The following LIN9 variants were observed in gnomAD, a reference collection of about 807,000 sequenced individuals.
LIN9 encodes the protein protein lin-9 homolog.
Under a neutral mutation model 78.0 loss-of-function variants are expected in LIN9, and 18 were observed. The ratio of observed to expected loss-of-function variants is 0.23; its 90% CI spans 0.16 to 0.34. LIN9 has a LOEUF of 0.34. Among genes scored for constraint, LIN9 ranks in the 10% least tolerant of loss-of-function variants. The pLI, the probability that LIN9 is intolerant of heterozygous loss-of-function variation, is 1.00. For missense variants in LIN9, 451 were observed against 644.1 expected (o/e 0.70, Z 3.25); for synonymous variants, 192 against 215.2 (o/e 0.89, Z 0.94).
At chr1:226,305,602 C>T (rs908085010) in intron 1 of LIN9, among the ~76,000 whole-genome samples, 1 of 143,380 alleles carries the variant, frequency 7.0e-6, no homozygotes, top group African/African-American at 2.6e-5. Flanking sequence ...TAGAAGTTAA[C>T]TGAAAGTAAG....
intron 6 of LIN9, among the ~76,000 whole-genome samples, chr1:226,284,333 C>T (rs1661266004): frequency 6.6e-6 from 1 of 152,148 alleles, no homozygotes; most frequent in Non-Finnish European, 1.5e-5. Context: ...TTAAAGTGCT[C>T]TTTAAAGTGG....
chr1:226,256,344 T>G (rs960687594), intron 10 of LIN9, among the ~76,000 whole-genome samples: 3 of 151,984 alleles, frequency 2.0e-5, no homozygotes, highest in Non-Finnish European at 4.4e-5. Flanking sequence ...GAGTGAAATA[T>G]CTTGCGTTGA....
chr1:226,271,782 T>C (rs1425580406), intron 7 of LIN9, among the ~76,000 whole-genome samples: 1 of 152,186 alleles, frequency 6.6e-6, no homozygotes, highest in African/African-American at 2.4e-5. Flanking sequence ...AGGTATATAG[T>C]AATATACATA....
intron 7 of LIN9, among the ~76,000 whole-genome samples, chr1:226,275,924 A>G (rs1660628482): frequency 6.6e-6 from 1 of 151,996 alleles, no homozygotes; most frequent in Admixed American, 6.6e-5. Context: ...GTTACTCAGG[A>G]AGCTGAGGCA....
rs1421359037 is a variant in LIN9 at position 226,267,983 on chromosome 1, G to A, written c.790C>T (p.His264Tyr). Reference sequence around the variant, plus strand: ...AGAACTTCATAGTCAGGGATGGTATGGGTTCCAAGCCCTGTCCTATCAAAA... The same window carrying A: ...AGAACTTCATAGTCAGGGATGGTATAGGTTCCAAGCCCTGTCCTATCAAAA... ...VTFDRTGLGT[H>Y]TIPDYEVLSN... The change falls in exon 8 of 15, where the codon CAT becomes TAT. Residue 264 changes from histidine to tyrosine, a missense_variant. His to Tyr is a moderately conservative substitution (Grantham distance 83). Coordinates refer to ENST00000681046, the MANE Select transcript of LIN9 (RefSeq NM_001366245.2). The A allele has an allele frequency of 6.2e-7, 1 of 1,613,566 alleles. No individual in the cohort carries two copies. Among genetic ancestry groups the A allele is most frequent in the Non-Finnish European group, 8.5e-7 (1 of 1,179,686 alleles).
chr1:226,266,026 T>C (rs577091598), intron 9 of LIN9, among the ~76,000 whole-genome samples, 187 bp downstream of exon 9: 19 of 152,232 alleles, frequency 1.2e-4, no homozygotes, highest in Non-Finnish European at 2.5e-4. Flanking sequence ...ATAATTAATA[T>C]TATATTAAAA....
At chr1:226,308,919 C>A (rs375474747) in intron 1 of LIN9, 190 bp downstream of exon 1, 32 of 419,464 alleles carry the variant, frequency 7.6e-5, no homozygotes, top group African/African-American at 6.0e-4. Context: ...CCCCAGAAAC[C>A]AACACACAGA....
chr1:226,300,430 G>A (rs1247196531), intron 2 of LIN9, among the ~76,000 whole-genome samples: 1 of 151,770 alleles, frequency 6.6e-6, no homozygotes, highest in Non-Finnish European at 1.5e-5. Context: ...ATGTGCCTGT[G>A]GTCCCAGCTA....
chr1:226,292,894 T>C (rs1193841282), intron 4 of LIN9, among the ~76,000 whole-genome samples: 1 of 152,222 alleles, frequency 6.6e-6, no homozygotes, highest in Non-Finnish European at 1.5e-5. Flanking sequence ...AAGATACTTA[T>C]CTGTGTCTGT....
At chr1:226,272,307 C>T (rs2102927706) in intron 7 of LIN9, among the ~76,000 whole-genome samples, 1 of 151,672 alleles carries the variant, frequency 6.6e-6, no homozygotes, top group South Asian at 2.1e-4. Context: ...CTGCCTGCCT[C>T]GGCCTGCCAA....
intron 2 of LIN9, among the ~76,000 whole-genome samples, chr1:226,300,260 G>C (rs1455628203): frequency 6.6e-6 from 1 of 152,018 alleles, no homozygotes; most frequent in Admixed American, 6.6e-5. Context: ...TTAAAAATAA[G>C]CTATTACGGG....
intron 5 of LIN9, 60 bp from the exon 6 acceptor site, chr1:226,286,518 A>G: frequency 7.8e-7 from 1 of 1,286,224 alleles, no homozygotes; most frequent in Non-Finnish European, 1.1e-6. Context: ...CTTAAAACAC[A>G]TAAAATCACA....
At chr1:226,243,110 G>A (rs1369359682) in intron 11 of LIN9, among the ~76,000 whole-genome samples, 2 of 152,200 alleles carry the variant, frequency 1.3e-5, no homozygotes, top group African/African-American at 4.8e-5. Context: ...CCCCCATGTT[G>A]TTTGAGGGTC....
rs1364262091 is a variant in LIN9, at chr1:226,277,854, C to A, written c.603G>T (p.Arg201Ser). 3 of 1,613,758 alleles carry A rather than the reference C, an allele frequency of 1.9e-6. No homozygotes were observed. Among genetic ancestry groups the A allele is most frequent in the South Asian group, 1.1e-5 (1 of 91,076 alleles). The change falls in exon 7 of 15, where the codon AGG becomes AGT. Residue 201 changes from arginine (R) to serine (S), a missense_variant. Transcript: ENST00000681046. ...KRQKIRLLQQ[R>S]KVADVSQFKD... ...TGAATTGTGAAACATCTGCAACTTT[C>A]CTTTGTTGTAAGAGCCTTATTTTCT...
At chr1:226,249,998 C>T (rs979790146) in intron 11 of LIN9, among the ~76,000 whole-genome samples, 5 of 151,900 alleles carry the variant, frequency 3.3e-5, no homozygotes, top group Non-Finnish European at 2.9e-5. Flanking sequence ...GGCGAAACCC[C>T]GTCTCTACTA....
At chr1:226,244,873 C>A (rs1389292755) in intron 11 of LIN9, among the ~76,000 whole-genome samples, 1 of 152,206 alleles carries the variant, frequency 6.6e-6, no homozygotes, top group East Asian at 1.9e-4. Context: ...TATATTCCCA[C>A]CTAAAGTGTA....
At chr1:226,272,204 G>A (rs1274553633) in intron 7 of LIN9, among the ~76,000 whole-genome samples, 10 of 151,560 alleles carry the variant, frequency 6.6e-5, no homozygotes, top group South Asian at 2.1e-4. Flanking sequence ...TTACAGGCAC[G>A]TGCCACCATG....
intron 8 of LIN9, among the ~76,000 whole-genome samples, chr1:226,267,310 TTATGTATA>T (rs1320237185): frequency 3.0e-5 from 1 of 33,622 alleles, no homozygotes; most frequent in Admixed American, 3.2e-4. Context: ...TGTATATATA[TTATGTATA>T]TATGTATGTA....
intron 10 of LIN9, among the ~76,000 whole-genome samples, chr1:226,251,380 A>T (rs918786476): frequency 1.3e-5 from 2 of 152,122 alleles, no homozygotes; most frequent in Non-Finnish European, 2.9e-5. Flanking sequence ...GGCACCCGCC[A>T]CCATGCCCAA....
Sources: gnomAD v4.1 joint callset for allele counts (sites outside exome capture counted in the v4.1 genomes callset) on GRCh38, gnomAD v4.1.1 for gene constraint, MANE v1.5 for transcripts, NCBI Gene and HGNC (gene_info 2026-07-23, HGNC 2026-07-21) for gene names.